The following PTPRM variants were observed in gnomAD, a reference collection of about 807,000 sequenced individuals.
PTPRM encodes receptor-type tyrosine-protein phosphatase mu.
PTPRM carries 47 observed loss-of-function variants against 186.7 expected under a neutral mutation model. That is an observed-to-expected ratio of 0.25 (90% CI 0.20 to 0.32). PTPRM has a LOEUF of 0.32. Among genes scored for constraint, PTPRM ranks in the 10% least tolerant of loss-of-function variants. The pLI, the probability that PTPRM is intolerant of heterozygous loss-of-function variation, is 1.00. For missense variants in PTPRM, 1,494 were observed against 1,865.0 expected, an observed-to-expected ratio of 0.80 and a Z score of 3.66; for synonymous variants, 668 against 674.9, an observed-to-expected ratio of 0.99 and a Z score of 0.16.
chr18:7,999,506 A>G (rs940121083), intron 7 of PTPRM, among the ~76,000 whole-genome samples: 2 of 152,032 alleles, frequency 1.3e-5, no homozygotes, highest in African/African-American at 4.8e-5. Flanking sequence ...AGAAGGTACA[A>G]TCCTTCTCTG....
rs1444434232 is a variant in PTPRM at position 8,319,159 on chromosome 18, C to A, written c.2920-19C>A. 1.4e-5 allele frequency: 21 copies of A among 1,487,874 alleles called. No individual in the cohort carries two copies. Among genetic ancestry groups the A allele is most frequent in the Non-Finnish European group, 1.8e-5 (19 of 1,073,770 alleles). 92.2% of individuals were successfully genotyped at this position (1,487,874 alleles called of 1,614,324 possible). ...ATCGATTTTATGTTTATCAAATATT[C>A]TCTTTTATTTATTTTTAGGGTTATC... On this transcript the variant is annotated intron_variant, in intron 21 of 32. Coordinates refer to ENST00000580170, the MANE Select transcript of PTPRM (RefSeq NM_001105244.2).
intron 1 of PTPRM, among the ~76,000 whole-genome samples, chr18:7,624,512 G>T (rs2038013309): frequency 2.6e-5 from 4 of 151,984 alleles, no homozygotes; most frequent in South Asian, 2.1e-4. Flanking sequence ...TTGGGACAGG[G>T]TATCACTCTG....
intron 1 of PTPRM, among the ~76,000 whole-genome samples, chr18:7,641,763 T>C (rs954287089): frequency 1.3e-5 from 2 of 152,348 alleles, no homozygotes; most frequent in African/African-American, 4.8e-5. Flanking sequence ...AAAGAATAGG[T>C]GAAACATTTA....
chr18:7,937,850 C>G (rs970403064), intron 5 of PTPRM, among the ~76,000 whole-genome samples: 3 of 152,176 alleles, frequency 2.0e-5, no homozygotes, highest in African/African-American at 7.2e-5. Context: ...GTCCATTGCG[C>G]TTAATATCTT....
At chr18:7,873,572 C>T (rs2048082197) in intron 2 of PTPRM, among the ~76,000 whole-genome samples, 1 of 152,082 alleles carries the variant, frequency 6.6e-6, no homozygotes, top group African/African-American at 2.4e-5. Flanking sequence ...AGTACAGGTT[C>T]GGTAACAACA....
At chr18:7,851,249 A>T (rs886965467) in intron 2 of PTPRM, among the ~76,000 whole-genome samples, 2 of 152,222 alleles carry the variant, frequency 1.3e-5, no homozygotes, top group African/African-American at 4.8e-5. Context: ...ACATAATTGG[A>T]GTATCTTCAG....
intron 7 of PTPRM, among the ~76,000 whole-genome samples, chr18:7,961,528 A>C (rs1017738214): frequency 6.6e-6 from 1 of 152,254 alleles, no homozygotes; most frequent in African/African-American, 2.4e-5. Context: ...CTTAGAGACT[A>C]TAAGCACTGA....
intron 32 of PTPRM, among the ~76,000 whole-genome samples, chr18:8,400,589 G>A (rs1050972560): frequency 6.6e-5 from 10 of 152,192 alleles, no homozygotes; most frequent in African/African-American, 2.2e-4. Flanking sequence ...ATGCGGCGGT[G>A]TTCACAGCTC....
chr18:8,379,374 TG>T, intron 28 of PTPRM, 34 bp downstream of exon 28: 1 of 1,551,356 alleles, frequency 6.4e-7, no homozygotes, highest in Non-Finnish European at 8.7e-7. Flanking sequence ...GGTCCGAGGC[TG>T]GGGTGTTTGG....
intron 19 of PTPRM, among the ~76,000 whole-genome samples, chr18:8,260,481 T>A (rs1654910232): frequency 1.3e-5 from 2 of 152,114 alleles, no homozygotes; most frequent in Admixed American, 1.3e-4. Context: ...AACAACCTGC[T>A]CTTGTGGTAA....
chr18:8,100,315 A>C (rs1489838504), intron 11 of PTPRM, among the ~76,000 whole-genome samples: 1 of 152,002 alleles, frequency 6.6e-6, no homozygotes, highest in Non-Finnish European at 1.5e-5. Flanking sequence ...CTAATTTTGT[A>C]TTTTTAGTAG....
At chr18:8,248,222 GA>G in intron 17 of PTPRM, 46 bp downstream of exon 17, 2 of 1,476,592 alleles carry the variant, frequency 1.4e-6, no homozygotes, top group African/African-American at 1.4e-5. Context: ...GAGTAATTTA[GA>G]AAGTCAGTGA....
intron 1 of PTPRM, among the ~76,000 whole-genome samples, chr18:7,629,310 G>C (rs189639165): frequency 1.8e-3 from 278 of 152,260 alleles, no homozygotes; most frequent in Admixed American, 3.8e-3. Flanking sequence ...TCGTGGATGT[G>C]GTCAAGAGGA....
chr18:7,636,566 G>A (rs898256465), intron 1 of PTPRM, among the ~76,000 whole-genome samples: 6 of 152,238 alleles, frequency 3.9e-5, no homozygotes, highest in Admixed American at 6.5e-5. Context: ...ATGTAAGCAA[G>A]GTGGGCTTCC....
chr18:7,687,398 A>T (rs1296367767), intron 1 of PTPRM, among the ~76,000 whole-genome samples: 1 of 152,204 alleles, frequency 6.6e-6, no homozygotes, highest in Admixed American at 6.5e-5. Context: ...AAAATTTTTT[A>T]ATGTAATGAC....
At chr18:7,798,923 C>T (rs1390400951) in intron 2 of PTPRM, among the ~76,000 whole-genome samples, 1 of 152,082 alleles carries the variant, frequency 6.6e-6, no homozygotes, top group Non-Finnish European at 1.5e-5. Flanking sequence ...TTAATTTGTC[C>T]ATTTTTGCAC....
At chr18:7,581,732 T>C (rs1214628135) in intron 1 of PTPRM, among the ~76,000 whole-genome samples, 1 of 151,652 alleles carries the variant, frequency 6.6e-6, no homozygotes, top group Non-Finnish European at 1.5e-5. Flanking sequence ...TATAGTTCAT[T>C]GCAGCCTTGA....
chr18:8,266,152 A>C (rs2094697998), intron 19 of PTPRM, among the ~76,000 whole-genome samples: 1 of 152,076 alleles, frequency 6.6e-6, no homozygotes, highest in South Asian at 2.1e-4. Flanking sequence ...TCTCCAAAAC[A>C]CTGGGAAGTC....
At chr18:8,026,055 A>G (rs757983051) in intron 7 of PTPRM, among the ~76,000 whole-genome samples, 1 of 152,230 alleles carries the variant, frequency 6.6e-6, no homozygotes, top group Non-Finnish European at 1.5e-5. Context: ...CCCAAAGAGT[A>G]AATGTTTTCC....
Sources: gnomAD v4.1 joint callset for allele counts (sites outside exome capture counted in the v4.1 genomes callset) on GRCh38, gnomAD v4.1.1 for gene constraint, MANE v1.5 for transcripts, NCBI Gene and HGNC (gene_info 2026-07-23, HGNC 2026-07-21) for gene names.